Variants in KIAA1549L observed in about 807,000 individuals in gnomAD.
The protein encoded by KIAA1549L is UPF0606 protein KIAA1549L.
In KIAA1549L, 88 loss-of-function variants were observed where a neutral mutation model predicts 160.7. The observed-to-expected ratio is 0.55, with a 90% confidence interval of 0.46 to 0.65. The LOEUF is 0.65. KIAA1549L is among the 30% of genes least tolerant of loss of function. The probability of loss-of-function intolerance (pLI) is 0.00; values close to 1 mark genes in which losing one functional copy is unlikely to be tolerated. For synonymous variants in KIAA1549L, 950 were observed against 976.7 expected (o/e 0.97, Z 0.51); for missense variants, 2,258 against 2,437.5 (o/e 0.93, Z 1.55).
intron 1 of KIAA1549L, among the ~76,000 whole-genome samples, chr11:33,491,143 T>C (rs1392235319): frequency 6.6e-6 from 1 of 152,212 alleles, no homozygotes; most frequent in Non-Finnish European, 1.5e-5. Flanking sequence ...GATTCATAAG[T>C]TGCCAAATCC....
chr11:33,454,315 G>T (rs1565144023), intron 1 of KIAA1549L, among the ~76,000 whole-genome samples: 1 of 152,202 alleles, frequency 6.6e-6, no homozygotes, highest in Non-Finnish European at 1.5e-5. Flanking sequence ...CAACAAATGA[G>T]AGGGGAAAAG....
At chr11:33,607,229 C>T (rs1850530272) in intron 14 of KIAA1549L, among the ~76,000 whole-genome samples, 1 of 152,108 alleles carries the variant, frequency 6.6e-6, no homozygotes, top group African/African-American at 2.4e-5. Context: ...GGGAAGATAA[C>T]GTCATATGGA....
At chr11:33,432,438 G>A (rs1229676287) in intron 1 of KIAA1549L, among the ~76,000 whole-genome samples, 1 of 152,112 alleles carries the variant, frequency 6.6e-6, no homozygotes, top group Non-Finnish European at 1.5e-5. Flanking sequence ...AATGGATATG[G>A]GTTTTTTTTT....
rs1161737454 is a variant in KIAA1549L, at chr11:33,435,782, A to ATGTG, written c.238+58894_238+58895insGTGT. 2.3e-3 allele frequency among the ~76,000 whole-genome samples: 49 copies of ATGTG among 21,388 alleles called. 4 individuals carry two copies. Among genetic ancestry groups the ATGTG allele is most frequent in the African/African-American group, 0.021 (45 of 2,166 alleles). 14.0% of individuals were successfully genotyped at this position (21,388 alleles called of 152,430 possible). On this transcript the variant is annotated intron_variant, in intron 1 of 20. Transcript: ENST00000658780. ...AAGATATATATATATATATATATAT[A>ATGTG]TATATATATATATATATATATATAT...
intron 15 of KIAA1549L, among the ~76,000 whole-genome samples, chr11:33,612,022 G>A (rs925047450): frequency 3.3e-5 from 5 of 152,188 alleles, no homozygotes; most frequent in Non-Finnish European, 5.9e-5. Flanking sequence ...CTCAGCAAAT[G>A]TTCATTGAAT....
chr11:33,541,081 C>T (rs141642823), intron 1 of KIAA1549L, among the ~76,000 whole-genome samples: 51 of 152,298 alleles, frequency 3.3e-4, no homozygotes, highest in African/African-American at 1.1e-3. Flanking sequence ...TCCTTTTTAG[C>T]GGAGGTCACC....
intron 12 of KIAA1549L, among the ~76,000 whole-genome samples, chr11:33,595,304 G>A (rs1335263729): frequency 6.6e-6 from 1 of 152,184 alleles, no homozygotes; most frequent in Non-Finnish European, 1.5e-5. Context: ...TCAGCTCACT[G>A]CAACCTCTGC....
At chr11:33,401,487 C>G (rs1224922185) in intron 1 of KIAA1549L, among the ~76,000 whole-genome samples, 1 of 151,858 alleles carries the variant, frequency 6.6e-6, no homozygotes, top group African/African-American at 2.4e-5. Context: ...TCCAGACACC[C>G]AGTCCACCTT....
At chr11:33,525,108 G>A (rs1296823944) in intron 1 of KIAA1549L, among the ~76,000 whole-genome samples, 1 of 152,190 alleles carries the variant, frequency 6.6e-6, no homozygotes, top group Admixed American at 6.5e-5. Flanking sequence ...AGAACAGTGT[G>A]TGGGGACTCA....
chr11:33,511,934 T>C (rs1853235907), intron 1 of KIAA1549L, among the ~76,000 whole-genome samples: 1 of 152,206 alleles, frequency 6.6e-6, no homozygotes, highest in Non-Finnish European at 1.5e-5. Context: ...CATTATGAGT[T>C]TGTATACAAT....
At chr11:33,419,905 C>CATACATATATAT (rs1230090541) in intron 1 of KIAA1549L, among the ~76,000 whole-genome samples, 1 of 53,518 alleles carries the variant, frequency 1.9e-5, no homozygotes. Context: ...TACATACATA[C>CATACATATATAT]ATATATATAT....
In KIAA1549L at chr11:33,614,551, TATATATATATATATATATATATATATATA is replaced by T. The variant is rs1564924699; in HGVS notation, c.5280-3981_5280-3953del. ...AACAAGATATATATATATATATATA[TATATATATATATATATATATATATATATA>T]TATATTTTTTTTTTTTTTTTTTTTT... On this transcript the variant is annotated intron_variant, in intron 15 of 20. Coordinates refer to ENST00000658780, the MANE Select transcript of KIAA1549L (RefSeq NM_012194.3). Among the ~76,000 whole-genome samples, 48 of 13,702 alleles carry T rather than the reference TATATATATATATATATATATATATATATA, an allele frequency of 3.5e-3. 8 individuals are homozygous for T. Among genetic ancestry groups the T allele is most frequent in the African/African-American group, 0.014 (41 of 2,928 alleles). The allele number at this position is 13,702 out of a possible 152,430, so 9.0% of individuals were successfully genotyped here.
Position 33,670,726 on chromosome 11 carries a change from G to GGAATT in KIAA1549L, c.*2576_*2580dup, listed in dbSNP as rs1284274970. 1.3e-5 allele frequency: 2 copies of GGAATT among 152,232 alleles called. No individual in the cohort carries two copies. The highest frequency in any genetic ancestry group is 4.8e-5 in the African/African-American group (2 of 41,440). The allele number at this position is 152,232 out of a possible 1,614,324, so 9.4% of individuals were successfully genotyped here. A position where few individuals can be genotyped will look rare whatever the true frequency, so the allele number is the denominator to read the frequency against. Reference sequence around the variant, plus strand: ...TAAGAGATGGTCAAAAGTGCCTCAAGGAATTGAAATAAGGTTCCCAGAGAG... The same window carrying GGAATT: ...TAAGAGATGGTCAAAAGTGCCTCAAGGAATTGAATTGAAATAAGGTTCCCAGAGAG... On this transcript the variant is annotated 3_prime_UTR_variant, in exon 21 of 21. Coordinates refer to ENST00000658780, the MANE Select transcript of KIAA1549L (RefSeq NM_012194.3).
chr11:33,589,465 A>T (rs1849981833), intron 11 of KIAA1549L, among the ~76,000 whole-genome samples: 1 of 152,224 alleles, frequency 6.6e-6, no homozygotes, highest in South Asian at 2.1e-4. Context: ...ATGCATACGT[A>T]TGTTTATTGC....
intron 1 of KIAA1549L, among the ~76,000 whole-genome samples, chr11:33,438,612 A>G (rs1851428159): frequency 6.6e-6 from 1 of 152,228 alleles, no homozygotes; most frequent in Non-Finnish European, 1.5e-5. Context: ...CTTCCATGCC[A>G]ACGAAGAGGC....
intron 1 of KIAA1549L, among the ~76,000 whole-genome samples, chr11:33,386,771 C>T (rs1850181386): frequency 1.3e-5 from 2 of 151,630 alleles, no homozygotes; most frequent in Non-Finnish European, 2.9e-5. Flanking sequence ...TTTTGTTTTG[C>T]TAAAAGGTGT....
intron 1 of KIAA1549L, among the ~76,000 whole-genome samples, chr11:33,435,842 ATG>A (rs71034688): frequency 0.41 from 27,265 of 67,204 alleles, 8,002 homozygotes; most frequent in Admixed American, 0.45. Flanking sequence ...GTATATGTAT[ATG>A]TGTGTGTGTG....
intron 1 of KIAA1549L, among the ~76,000 whole-genome samples, chr11:33,435,706 C>A: frequency 7.4e-6 from 1 of 135,284 alleles, no homozygotes; most frequent in African/African-American, 2.8e-5. Context: ...CCAAAGTAAC[C>A]CTGAAGTAGT....
At chr11:33,614,566 ATATATATATATATATATATTTTTTTT>A (rs1850748951) in intron 15 of KIAA1549L, among the ~76,000 whole-genome samples, 1 of 13,986 alleles carries the variant, frequency 7.2e-5, no homozygotes, top group African/African-American at 7.2e-4. Flanking sequence ...ATATATATAT[ATATATATATATATATATATTTTTTTT>A]TTTTTTTTTT....
Sources: gnomAD v4.1 joint callset for allele counts (sites outside exome capture counted in the v4.1 genomes callset) on GRCh38, gnomAD v4.1.1 for gene constraint, MANE v1.5 for transcripts, NCBI Gene and HGNC (gene_info 2026-07-23, HGNC 2026-07-21) for gene names.